Variants in NTRK2 observed in about 807,000 individuals in gnomAD.
NTRK2 encodes the protein neurotrophic receptor tyrosine kinase 2, also known as BDNF/NT-3 growth factors receptor.
In NTRK2, 13 loss-of-function variants were observed where a neutral mutation model predicts 94.5. The ratio of observed to expected loss-of-function variants is 0.14; its 90% CI spans 0.09 to 0.22. The LOEUF (loss-of-function observed/expected upper bound fraction) is 0.22. NTRK2 is among the 10% of genes least tolerant of loss of function. The pLI is 1.00. For synonymous variants in NTRK2, 372 were observed against 407.4 expected (o/e 0.91, Z 1.05); for missense variants, 639 against 1,071.2 (o/e 0.60, Z 5.63).
chr9:84,669,233 G>A (rs2058548804), upstream of NTRK2: 2 of 152,612 alleles, frequency 1.3e-5, no homozygotes, highest in Admixed American at 1.3e-4. The surrounding 1 kb of genome is among the most constrained non-coding windows in gnomAD (Gnocchi z 4.1). Context: ...TAGGCAGGGT[G>A]GGAAAGGAGA....
chr9:84,809,090 G>C (rs2071447442), intron 12 of NTRK2, among the ~76,000 whole-genome samples: 1 of 152,124 alleles, frequency 6.6e-6, no homozygotes, highest in South Asian at 2.1e-4. Flanking sequence ...GATCCACTGG[G>C]TTTCCATGGG....
intron 14 of NTRK2, among the ~76,000 whole-genome samples, chr9:84,869,061 GCAAA>G (rs1337532021): frequency 6.6e-5 from 10 of 152,134 alleles, no homozygotes; most frequent in Non-Finnish European, 1.5e-4. Flanking sequence ...GAGCAAGAGA[GCAAA>G]CAAACAAAAT....
At chr9:84,697,568 C>A (rs917788843) in intron 2 of NTRK2, among the ~76,000 whole-genome samples, 3 of 152,196 alleles carry the variant, frequency 2.0e-5, no homozygotes, top group African/African-American at 7.2e-5. Flanking sequence ...GAGCCTGCTG[C>A]CCGCCTGTCA....
At chr9:84,981,023 T>C (rs1215335303) in intron 17 of NTRK2, among the ~76,000 whole-genome samples, 1 of 152,214 alleles carries the variant, frequency 6.6e-6, no homozygotes, top group Non-Finnish European at 1.5e-5. Flanking sequence ...TTCCCAATTT[T>C]GGTAACTCAT....
Position 85,021,455 on chromosome 9 carries a change from C to T in NTRK2, c.*18C>T, listed in dbSNP as rs200749046. ...TAGGCTAGGGCCCTTTTCCCCAGAC[C>T]GATCCTTCCCAACGTACTCCTCAGA... On this transcript the variant is annotated 3_prime_UTR_variant, in exon 19 of 19. Transcript: ENST00000277120. The T allele has an allele frequency of 1.2e-6, 2 of 1,613,262 alleles. No individual in the cohort carries two copies. Among genetic ancestry groups the T allele is most frequent in the South Asian group, 1.1e-5 (1 of 91,026 alleles).
intron 14 of NTRK2, among the ~76,000 whole-genome samples, chr9:84,907,731 T>G: frequency 6.6e-6 from 1 of 151,628 alleles, no homozygotes. Flanking sequence ...CTTTTCCTGG[T>G]TTTACAGATC....
intron 14 of NTRK2, among the ~76,000 whole-genome samples, chr9:84,892,290 C>T (rs2076618216): frequency 6.6e-6 from 1 of 152,196 alleles, no homozygotes; most frequent in South Asian, 2.1e-4. Context: ...AGAAAATATG[C>T]ACTGCCCTGA....
intron 14 of NTRK2, among the ~76,000 whole-genome samples, chr9:84,927,450 T>C (rs2077862174): frequency 6.6e-6 from 1 of 152,166 alleles, no homozygotes; most frequent in Non-Finnish European, 1.5e-5. Flanking sequence ...AGACAGGGAT[T>C]ATTGTACTCT....
intron 14 of NTRK2, among the ~76,000 whole-genome samples, chr9:84,930,250 T>C (rs969751846): frequency 1.3e-5 from 2 of 152,194 alleles, no homozygotes; most frequent in Non-Finnish European, 2.9e-5. Flanking sequence ...GCTCCACTGC[T>C]GAAAGCTGGA....
Position 84,670,592 on chromosome 9 carries a change from C to A in NTRK2, c.-157C>A, listed in dbSNP as rs62566170. On this transcript the variant is annotated 5_prime_UTR_variant, in exon 2 of 19. Coordinates refer to ENST00000277120, the MANE Select transcript of NTRK2 (RefSeq NM_006180.6). ...CTGCCGGAACACTCTTCGCTCCGGA[C>A]CAGCTCAGCCTCTGATAAGCTGGAC... The A allele has an allele frequency of 3.0e-3, 2,263 of 752,734 alleles. 5 individuals are homozygous for A. The highest frequency in any genetic ancestry group is 4.5e-3 in the Non-Finnish European group (1,953 of 438,266). 46.6% of individuals were successfully genotyped at this position (752,734 alleles called of 1,614,324 possible).
intron 15 of NTRK2, among the ~76,000 whole-genome samples, chr9:84,936,392 G>C (rs2078214958): frequency 6.6e-6 from 1 of 152,220 alleles, no homozygotes; most frequent in African/African-American, 2.4e-5. Context: ...AGAGTCAGCT[G>C]GTGACAGTGA....
intron 17 of NTRK2, among the ~76,000 whole-genome samples, chr9:84,993,648 A>G (rs1440186993): frequency 6.6e-6 from 1 of 152,154 alleles, no homozygotes; most frequent in Admixed American, 6.5e-5. Flanking sequence ...CATTGCTTTT[A>G]GGGAAAAAAG....
chr9:84,972,646 T>C (rs970244125), intron 17 of NTRK2, among the ~76,000 whole-genome samples: 5 of 152,250 alleles, frequency 3.3e-5, no homozygotes, highest in African/African-American at 1.2e-4. Context: ...GGTTTAGCTT[T>C]ATAATGTATA....
chr9:84,714,201 C>T (rs1045514504), intron 6 of NTRK2, among the ~76,000 whole-genome samples: 2 of 152,114 alleles, frequency 1.3e-5, no homozygotes, highest in African/African-American at 4.8e-5. Context: ...TGATCAATTT[C>T]CACAATCTCT....
rs1004645955 is a variant in NTRK2 at position 85,021,588 on chromosome 9, G to A, written c.*151G>A. On this transcript the variant is annotated 3_prime_UTR_variant, in exon 19 of 19. Transcript: ENST00000277120. ...AGACTCCGAGAAGCTCTCGAGGGAA[G>A]CAGTGTGTACTTCTTCATCCATAGA... is the stretch of plus-strand genomic sequence containing the variant. 2 of 766,868 alleles carry A rather than the reference G, an allele frequency of 2.6e-6. No individual in the cohort carries two copies. Among genetic ancestry groups the A allele is most frequent in the African/African-American group, 1.7e-5 (1 of 58,680 alleles). The allele number at this position is 766,868 out of a possible 1,614,324, so 47.5% of individuals were successfully genotyped here. A position where few individuals can be genotyped will look rare whatever the true frequency, so the allele number is the denominator to read the frequency against.
intron 12 of NTRK2, among the ~76,000 whole-genome samples, chr9:84,837,376 G>A (rs936347560): frequency 2.2e-4 from 33 of 152,124 alleles, no homozygotes; most frequent in African/African-American, 5.3e-4. Flanking sequence ...TAATTCTGCC[G>A]CTCACTGGCC....
intron 12 of NTRK2, among the ~76,000 whole-genome samples, chr9:84,823,763 C>T (rs1012145352): frequency 5.9e-5 from 9 of 152,202 alleles, no homozygotes; most frequent in Non-Finnish European, 1.3e-4. Flanking sequence ...CAAGACCCTT[C>T]ACATTTTTTA....
intron 12 of NTRK2, among the ~76,000 whole-genome samples, chr9:84,833,527 A>G (rs1000130941): frequency 2.0e-5 from 3 of 151,780 alleles, no homozygotes; most frequent in Admixed American, 6.6e-5. Context: ...GGATCACTCT[A>G]GTAGATACTA....
intron 15 of NTRK2, among the ~76,000 whole-genome samples, chr9:84,939,482 A>G (rs973818385): frequency 2.0e-5 from 3 of 152,178 alleles, no homozygotes; most frequent in South Asian, 2.1e-4. Context: ...AATCCAACAC[A>G]ATGACACTTA....
Sources: allele counts gnomAD v4.1 joint callset (sites outside exome capture counted in the v4.1 genomes callset), GRCh38; gene constraint gnomAD v4.1.1; non-coding constraint Gnocchi (gnomAD v3.1); transcripts MANE v1.5; gene names NCBI Gene and HGNC (gene_info 2026-07-23, HGNC 2026-07-21).